The following DLGAP2 variants were observed in gnomAD, a reference collection of about 807,000 sequenced individuals.
The protein encoded by DLGAP2 is DLG associated protein 2, also known as disks large-associated protein 2.
A neutral mutation model predicts 100.3 loss-of-function variants in DLGAP2; 26 were observed. The observed-to-expected ratio is 0.26, with a 90% confidence interval of 0.19 to 0.36. The LOEUF (loss-of-function observed/expected upper bound fraction) is 0.36, where lower values mean the gene tolerates loss of function less well. Among genes scored for constraint, DLGAP2 ranks in the 10% least tolerant of loss-of-function variants. The pLI is 1.00. For missense variants in DLGAP2, 1,858 were observed against 1,453.2 expected (o/e 1.28, Z -4.53); for synonymous variants, 886 against 630.1 (o/e 1.41, Z -6.08).
chr8:1,516,225 G>GAATGAGTGAGTTACTGAGTA lies in DLGAP2; in HGVS notation c.172+14806_172+14825dup, dbSNP rs545560423. ...TGAATGTGTGCATGAATGAGTGAGT[G>GAATGAGTGAGTTACTGAGTA]AATGAGTGAGTTACTGAGTAAATGA... is the stretch of plus-strand genomic sequence containing the variant. On this transcript the variant is annotated intron_variant, in intron 4 of 14. Coordinates refer to ENST00000637795, the MANE Select transcript of DLGAP2 (RefSeq NM_001346810.2). Among the ~76,000 whole-genome samples the GAATGAGTGAGTTACTGAGTA allele has an allele frequency of 4.6e-5, 7 of 152,272 alleles. No individual in the cohort carries two copies. The South Asian group carries it at 1.2e-3, about 27-fold the overall frequency.
chr8:1,250,852 G>T (rs147465762), intron 2 of DLGAP2, among the ~76,000 whole-genome samples: 1 of 152,176 alleles, frequency 6.6e-6, no homozygotes, highest in Non-Finnish European at 1.5e-5. Flanking sequence ...ACAGTCAGGC[G>T]CCAGGTAACG....
chr8:1,561,050 G>A (rs1048810270), intron 5 of DLGAP2, among the ~76,000 whole-genome samples: 1 of 152,140 alleles, frequency 6.6e-6, no homozygotes, highest in Non-Finnish European at 1.5e-5. Context: ...CTGAATCATG[G>A]GGTGGGTCTT....
At chr8:1,410,378 C>T (rs943482392) in intron 3 of DLGAP2, among the ~76,000 whole-genome samples, 4 of 152,198 alleles carry the variant, frequency 2.6e-5, no homozygotes, top group African/African-American at 9.7e-5. Context: ...GCAGAGCAGA[C>T]GCCAGTCTGA....
chr8:1,331,236 T>A (rs990228683), intron 3 of DLGAP2, among the ~76,000 whole-genome samples: 3 of 152,228 alleles, frequency 2.0e-5, no homozygotes, highest in Non-Finnish European at 4.4e-5. Context: ...GAAGCCATAC[T>A]GTGTGCCATA....
chr8:899,192 T>C (rs751288103), intron 1 of DLGAP2, among the ~76,000 whole-genome samples: 1 of 152,200 alleles, frequency 6.6e-6, no homozygotes, highest in Non-Finnish European at 1.5e-5. Flanking sequence ...CCTGCTCCCA[T>C]AGTGCGTTCC....
In DLGAP2 at chr8:1,501,437, G is replaced by T; in HGVS notation, c.172+6G>T. On this transcript the variant is annotated splice_donor_region_variant and intron_variant, in intron 4 of 14. Transcript: ENST00000637795. ...GCCGGCAGAGGAGGATCTAGGTAGA[G>T]TACAGACGTCAGCCCCGCTCTGGCG... 6.5e-7 allele frequency: 1 copy of T among 1,535,702 alleles called. No individual in the cohort carries two copies. The highest frequency in any genetic ancestry group is 8.7e-7 in the Non-Finnish European group (1 of 1,146,730).
At chr8:1,087,271 C>G (rs1804005338) in intron 2 of DLGAP2, among the ~76,000 whole-genome samples, 1 of 152,144 alleles carries the variant, frequency 6.6e-6, no homozygotes, top group South Asian at 2.1e-4. Context: ...ATTCTGAAGT[C>G]TTTCCTCTCT....
At chr8:1,166,837 A>C (rs76108608) in intron 2 of DLGAP2, among the ~76,000 whole-genome samples, 7,644 of 152,290 alleles carry the variant, frequency 0.05, 223 homozygotes, top group African/African-American at 0.08. Context: ...TTTTCTACAT[A>C]TGGATAATGA....
At chr8:1,197,301 C>G (rs1016536585) in intron 2 of DLGAP2, among the ~76,000 whole-genome samples, 3 of 140,362 alleles carry the variant, frequency 2.1e-5, no homozygotes, top group Non-Finnish European at 4.7e-5. Flanking sequence ...TTATCCCTGT[C>G]CATGCTGACA....
At chr8:752,977 A>G (rs1820830119) in intron 1 of DLGAP2, among the ~76,000 whole-genome samples, 2 of 152,324 alleles carry the variant, frequency 1.3e-5, no homozygotes, top group South Asian at 4.1e-4. Flanking sequence ...CAGAAACTGC[A>G]GTCATTGTGT....
chr8:1,134,498 A>G (rs1427141325), intron 2 of DLGAP2, among the ~76,000 whole-genome samples: 1 of 30,970 alleles, frequency 3.2e-5, no homozygotes, highest in Admixed American at 2.7e-4. Context: ...AGCATGTGTT[A>G]TTTTTTGAGT....
intron 3 of DLGAP2, among the ~76,000 whole-genome samples, chr8:1,295,395 C>G (rs1477303467): frequency 6.6e-6 from 1 of 152,180 alleles, no homozygotes. Flanking sequence ...CTTGGTGGCT[C>G]TGGAGTTCTC....
intron 2 of DLGAP2, among the ~76,000 whole-genome samples, chr8:952,010 C>G (rs147612052): frequency 6.6e-6 from 1 of 152,178 alleles, no homozygotes; most frequent in East Asian, 1.9e-4. Context: ...TTGTCCTTGC[C>G]CTCCCGGGAG....
chr8:1,111,654 G>A (rs911865271), intron 2 of DLGAP2, among the ~76,000 whole-genome samples: 4 of 152,108 alleles, frequency 2.6e-5, no homozygotes, highest in African/African-American at 9.7e-5. Context: ...AGAACATGCA[G>A]TATTTGTTTT....
chr8:961,101 ACATATTC>A (rs1799715222), intron 2 of DLGAP2, among the ~76,000 whole-genome samples: 1 of 152,194 alleles, frequency 6.6e-6, no homozygotes, highest in African/African-American at 2.4e-5. Context: ...TAGACGTTGT[ACATATTC>A]CATTAGGCTT....
At chr8:772,983 T>A (rs35988897) in intron 1 of DLGAP2, among the ~76,000 whole-genome samples, 5 of 152,148 alleles carry the variant, frequency 3.3e-5, no homozygotes, top group Non-Finnish European at 7.4e-5. Context: ...ACCTTCCAGA[T>A]TGTTCTCTGT....
chr8:1,511,738 T>C (rs1345357590), intron 4 of DLGAP2, among the ~76,000 whole-genome samples: 3 of 151,936 alleles, frequency 2.0e-5, no homozygotes, highest in Non-Finnish European at 4.4e-5. Flanking sequence ...AGACAATCAA[T>C]AGATGACCAT....
At chr8:1,451,077 T>C (rs1034763021) in intron 3 of DLGAP2, among the ~76,000 whole-genome samples, 1 of 152,084 alleles carries the variant, frequency 6.6e-6, no homozygotes, top group Non-Finnish European at 1.5e-5. Flanking sequence ...TAAAGTTACA[T>C]GAGTAACACA....
chr8:920,438 G>A (rs188272007), intron 2 of DLGAP2, among the ~76,000 whole-genome samples: 20 of 152,324 alleles, frequency 1.3e-4, no homozygotes, highest in African/African-American at 3.6e-4. Flanking sequence ...GTGAATCCTG[G>A]GTGCATAATA....
Sources: gnomAD v4.1 joint callset for allele counts (sites outside exome capture counted in the v4.1 genomes callset) on GRCh38, gnomAD v4.1.1 for gene constraint, MANE v1.5 for transcripts, NCBI Gene and HGNC (gene_info 2026-07-23, HGNC 2026-07-21) for gene names.